The following DCC variants were observed in gnomAD, a reference collection of about 807,000 sequenced individuals.
DCC encodes DCC netrin 1 receptor, also known as netrin receptor DCC.
In DCC, 58 loss-of-function variants were observed where a neutral mutation model predicts 172.5. The observed-to-expected ratio is 0.34, with a 90% confidence interval of 0.27 to 0.42. The LOEUF is 0.42. Ranked by LOEUF, DCC falls within the 10% of genes least tolerant of loss-of-function variation. The pLI is 1.00. For missense variants in DCC, 1,740 were observed against 1,791.0 expected, an observed-to-expected ratio of 0.97 and a Z score of 0.51; for synonymous variants, 709 against 644.5, an observed-to-expected ratio of 1.10 and a Z score of -1.52.
At chr18:52,564,347 C>T (rs1337676872) in intron 1 of DCC, among the ~76,000 whole-genome samples, 1 of 152,046 alleles carries the variant, frequency 6.6e-6, no homozygotes, top group Non-Finnish European at 1.5e-5. Context: ...GAATCCCTAG[C>T]TCTTCTTTAA....
At chr18:53,277,015 G>A (rs2056813977) in intron 12 of DCC, among the ~76,000 whole-genome samples, 1 of 151,994 alleles carries the variant, frequency 6.6e-6, no homozygotes, top group African/African-American at 2.4e-5. Context: ...AGAAAGAAGA[G>A]GCAATGAAGA....
At chr18:52,844,058 G>T (rs2038847434) in intron 2 of DCC, among the ~76,000 whole-genome samples, 1 of 152,110 alleles carries the variant, frequency 6.6e-6, no homozygotes, top group Non-Finnish European at 1.5e-5. Context: ...CAAGAGAATT[G>T]ATCTCTCTTT....
chr18:53,310,031 T>A (rs527650177), intron 13 of DCC, among the ~76,000 whole-genome samples: 1 of 149,358 alleles, frequency 6.7e-6, no homozygotes, highest in Admixed American at 6.8e-5. Flanking sequence ...ATGAACAGCA[T>A]CATATACTTA....
intron 2 of DCC, among the ~76,000 whole-genome samples, chr18:52,847,019 G>A (rs1189570882): frequency 3.3e-5 from 5 of 152,156 alleles, no homozygotes; most frequent in Admixed American, 3.3e-4. Flanking sequence ...TGACCTTACA[G>A]GTAGAATGAA....
chr18:52,978,671 G>T (rs539210231), intron 5 of DCC, among the ~76,000 whole-genome samples: 2 of 152,118 alleles, frequency 1.3e-5, no homozygotes, highest in Non-Finnish European at 2.9e-5. Context: ...CAGAAGCCAT[G>T]CCCTTAATGA....
rs1282011763 is a variant in DCC at position 52,406,909 on chromosome 18, C to T, written c.91+66031C>T. Among the ~76,000 whole-genome samples, 7 of 152,006 alleles carry T rather than the reference C, an allele frequency of 4.6e-5. No individual in the cohort carries two copies. The South Asian group carries it at 1.5e-3, about 32-fold the overall frequency. Reference sequence around the variant, plus strand: ...AACCCATGTGTGAGTCTGTATGTATCTGTGTGGTTGCATTCTCTGCCAGGT... The same window carrying T: ...AACCCATGTGTGAGTCTGTATGTATTTGTGTGGTTGCATTCTCTGCCAGGT... On this transcript the variant is annotated intron_variant, in intron 1 of 28. Transcript: ENST00000442544.
intron 7 of DCC, among the ~76,000 whole-genome samples, chr18:53,092,747 A>G (rs1399038682): frequency 6.6e-6 from 1 of 152,138 alleles, no homozygotes; most frequent in Non-Finnish European, 1.5e-5. Context: ...CTACTTGTCC[A>G]TCTACCCTTG....
intron 23 of DCC, among the ~76,000 whole-genome samples, chr18:53,456,782 G>A (rs1279965928): frequency 6.6e-6 from 1 of 152,210 alleles, no homozygotes; most frequent in East Asian, 1.9e-4. Flanking sequence ...ATCTAATGGT[G>A]AGACACAGGA....
intron 1 of DCC, among the ~76,000 whole-genome samples, chr18:52,427,313 C>A (rs533869350): frequency 2.6e-5 from 4 of 152,062 alleles, no homozygotes; most frequent in African/African-American, 9.7e-5. Flanking sequence ...CTTTCCCCTG[C>A]ACTACATCCA....
intron 25 of DCC, among the ~76,000 whole-genome samples, chr18:53,468,648 G>T (rs1349099820): frequency 6.6e-6 from 1 of 152,162 alleles, no homozygotes; most frequent in Non-Finnish European, 1.5e-5. Flanking sequence ...CTCCCAAAGT[G>T]CTGGGAATAT....
intron 1 of DCC, among the ~76,000 whole-genome samples, chr18:52,589,429 G>T (rs1246053251): frequency 6.6e-6 from 1 of 152,164 alleles, no homozygotes; most frequent in African/African-American, 2.4e-5. Flanking sequence ...TTTTGGGTTT[G>T]TTGAATTTCC....
chr18:53,069,271 C>T (rs1032704261), intron 7 of DCC, among the ~76,000 whole-genome samples: 13 of 152,250 alleles, frequency 8.5e-5, no homozygotes, highest in African/African-American at 2.9e-4. Context: ...GAGTTGCTTT[C>T]GCCTCCACAC....
Position 52,340,859 on chromosome 18 carries a change from C to G in DCC, c.72C>G (p.Ser24Arg), listed in dbSNP as rs1983598378. The G allele has an allele frequency of 6.2e-7, 1 of 1,613,638 alleles. No homozygotes were observed. Among genetic ancestry groups the G allele is most frequent in the African/African-American group, 1.3e-5 (1 of 75,022 alleles). The change falls in exon 1 of 29, where the codon AGC (serine) becomes AGG (arginine). Residue 24 changes from serine (S) to arginine (R), a missense_variant. Around this residue, in one of 2 missense-constraint regions of DCC, gnomAD observed 1,732 missense variants for 1,767.4 expected, o/e 0.98. Coordinates refer to ENST00000442544, the MANE Select transcript of DCC (RefSeq NM_005215.4). ...TACTCTTCGGAGCTTCCTTGTTCAGCGCGCATCTTCAAGTAACCGGTAAGT... is the reference window on the plus strand; with the variant it reads ...TACTCTTCGGAGCTTCCTTGTTCAGGGCGCATCTTCAAGTAACCGGTAAGT... ...AFVLFGASLF[S>R]AHLQVTGFQI...
intron 5 of DCC, among the ~76,000 whole-genome samples, chr18:52,969,610 TC>T (rs2040993322): frequency 6.7e-6 from 1 of 149,554 alleles, no homozygotes; most frequent in South Asian, 2.1e-4. Context: ...TCTCTCTCTC[TC>T]TCTCTCTCTC....
At chr18:52,911,420 CTTTA>C (rs1391200632) in intron 3 of DCC, among the ~76,000 whole-genome samples, 52 of 132,624 alleles carry the variant, frequency 3.9e-4, no homozygotes, top group African/African-American at 1.1e-3. Context: ...ATTGAGCTCA[CTTTA>C]TTTATAAGAT....
chr18:53,237,411 T>C (rs984395485), intron 12 of DCC, among the ~76,000 whole-genome samples: 2 of 152,166 alleles, frequency 1.3e-5, no homozygotes, highest in Non-Finnish European at 2.9e-5. Flanking sequence ...ATTGTCTCCA[T>C]TAGTGGATGA....
chr18:53,331,874 T>A (rs2057532731), intron 14 of DCC, among the ~76,000 whole-genome samples: 1 of 152,206 alleles, frequency 6.6e-6, no homozygotes, highest in Admixed American at 6.6e-5. Flanking sequence ...AGGATAAACC[T>A]TGGGCATGGC....
chr18:53,393,663 G>A (rs538033270), intron 17 of DCC, among the ~76,000 whole-genome samples: 28 of 152,260 alleles, frequency 1.8e-4, no homozygotes, highest in Non-Finnish European at 2.8e-4. Context: ...TGGCCATGGC[G>A]ACTTTGCCAG....
At chr18:52,520,716 A>C (rs2031785576) in intron 1 of DCC, among the ~76,000 whole-genome samples, 1 of 150,028 alleles carries the variant, frequency 6.7e-6, no homozygotes. Flanking sequence ...TTTTTTAAGA[A>C]TTTAGGCAAT....
Sources: allele counts gnomAD v4.1 joint callset (sites outside exome capture counted in the v4.1 genomes callset), GRCh38; gene constraint gnomAD v4.1.1; regional missense constraint gnomAD v4.1.1; transcripts MANE v1.5; gene names NCBI Gene and HGNC (gene_info 2026-07-23, HGNC 2026-07-21).